Variants in MYO16 observed in about 807,000 individuals in gnomAD.
MYO16 encodes the protein unconventional myosin-XVI.
In MYO16, 94 loss-of-function variants were observed where a neutral mutation model predicts 205.3. The ratio of observed to expected loss-of-function variants is 0.46; its 90% confidence interval spans 0.39 to 0.54. The LOEUF (loss-of-function observed/expected upper bound fraction) is 0.54. Ranked by LOEUF, MYO16 falls within the 20% of genes least tolerant of loss-of-function variation. The pLI is 0.00. For missense variants in MYO16, 2,315 were observed against 2,387.5 expected, an observed-to-expected ratio of 0.97 and a Z score of 0.63; for synonymous variants, 988 against 954.0, an observed-to-expected ratio of 1.04 and a Z score of -0.66.
chr13:108,840,217 A>C (rs1428890871), intron 9 of MYO16, among the ~76,000 whole-genome samples: 2 of 152,218 alleles, frequency 1.3e-5, no homozygotes, highest in African/African-American at 4.8e-5. Flanking sequence ...AAACACTATA[A>C]AACATCATTA....
chr13:108,681,656 G>T (rs1882467994), intron 2 of MYO16, among the ~76,000 whole-genome samples: 1 of 151,762 alleles, frequency 6.6e-6, no homozygotes, highest in African/African-American at 2.4e-5. Flanking sequence ...TACTCTGCTA[G>T]TAGTGCTGTT....
intron 1 of MYO16, among the ~76,000 whole-genome samples, chr13:108,643,715 A>G (rs1054842418): frequency 2.0e-5 from 3 of 152,162 alleles, no homozygotes; most frequent in Non-Finnish European, 2.9e-5. Context: ...GTGGGCATTT[A>G]TTTGTTTCCA....
chr13:108,946,108 TTC>T (rs1882929091), intron 16 of MYO16, among the ~76,000 whole-genome samples: 1 of 152,166 alleles, frequency 6.6e-6, no homozygotes, highest in Non-Finnish European at 1.5e-5. Flanking sequence ...GTATTTAAAT[TTC>T]TGTTTGTCAG....
chr13:108,586,660 G>T, the MYO16 span, among the ~76,000 whole-genome samples: 1 of 152,140 alleles, frequency 6.6e-6, no homozygotes, highest in Admixed American at 6.5e-5. Context: ...AAATGGGTCA[G>T]GTAGTTTAGA....
At chr13:109,147,084 A>G (rs1165835689) in intron 32 of MYO16, among the ~76,000 whole-genome samples, 1 of 152,074 alleles carries the variant, frequency 6.6e-6, no homozygotes, top group Non-Finnish European at 1.5e-5. Context: ...CACGACACAA[A>G]CAAAATAATT....
chr13:108,810,151 C>T (rs947021400), intron 7 of MYO16, among the ~76,000 whole-genome samples: 8 of 152,208 alleles, frequency 5.3e-5, no homozygotes, highest in Non-Finnish European at 1.2e-4. Flanking sequence ...TCCTCTGCTT[C>T]GCTAGACTTG....
At chr13:108,966,809 A>G (rs1040236222) in intron 20 of MYO16, among the ~76,000 whole-genome samples, 1 of 152,184 alleles carries the variant, frequency 6.6e-6, no homozygotes, top group Non-Finnish European at 1.5e-5. Context: ...ATTTAAATTC[A>G]TGGAAAGCTT....
chr13:108,945,841 T>A (rs1283606040), intron 16 of MYO16, among the ~76,000 whole-genome samples: 1 of 152,138 alleles, frequency 6.6e-6, no homozygotes, highest in Non-Finnish European at 1.5e-5. Flanking sequence ...AGTGTACACG[T>A]TTTACTCATT....
At chr13:108,699,614 T>C (rs17389027) in intron 2 of MYO16, among the ~76,000 whole-genome samples, 24,035 of 152,158 alleles carry the variant, frequency 0.16, 2,076 homozygotes, top group Non-Finnish European at 0.19. Context: ...ACTGTCACTT[T>C]ACATCTGTCC....
intron 3 of MYO16, among the ~76,000 whole-genome samples, chr13:108,717,188 C>G (rs1883976954): frequency 6.6e-6 from 1 of 152,128 alleles, no homozygotes; most frequent in Non-Finnish European, 1.5e-5. Flanking sequence ...GAAGGCGCTC[C>G]CAATGGTAAC....
chr13:108,977,325 C>T (rs144758730), intron 20 of MYO16, among the ~76,000 whole-genome samples: 3 of 152,216 alleles, frequency 2.0e-5, no homozygotes, highest in African/African-American at 4.8e-5. Flanking sequence ...TTACAAACAG[C>T]GCTGTATCCT....
At chr13:108,525,652 C>T in the MYO16 span, among the ~76,000 whole-genome samples, 2 of 152,182 alleles carry the variant, frequency 1.3e-5, no homozygotes, top group Admixed American at 1.3e-4. Context: ...ATCTACTTTT[C>T]GTTTAACCAA....
intron 16 of MYO16, among the ~76,000 whole-genome samples, chr13:108,945,795 AT>A (rs1479040753): frequency 6.6e-6 from 1 of 152,148 alleles, no homozygotes; most frequent in Non-Finnish European, 1.5e-5. Context: ...TTGAAAAAAA[AT>A]CTTCCTGAAT....
At chr13:108,818,779 T>C (rs1875782807) in intron 7 of MYO16, among the ~76,000 whole-genome samples, 1 of 152,190 alleles carries the variant, frequency 6.6e-6, no homozygotes, top group Non-Finnish European at 1.5e-5. Context: ...GCCAGCACAT[T>C]TGGAAACTTA....
chr13:108,587,142 T>A, the MYO16 span, among the ~76,000 whole-genome samples: 1 of 152,082 alleles, frequency 6.6e-6, no homozygotes, highest in Non-Finnish European at 1.5e-5. Context: ...AAATGTAACC[T>A]TGTGTGGGAA....
chr13:108,580,215 A>G, the MYO16 span, among the ~76,000 whole-genome samples: 4 of 152,230 alleles, frequency 2.6e-5, no homozygotes, highest in East Asian at 3.8e-4. Context: ...ACATTTTCCT[A>G]TACAGCATCT....
At chr13:109,046,595 T>C (rs1214385105) in intron 23 of MYO16, among the ~76,000 whole-genome samples, 1 of 152,228 alleles carries the variant, frequency 6.6e-6, no homozygotes, top group African/African-American at 2.4e-5. Context: ...TTACTTGGTT[T>C]AGTGAGTTTT....
intron 6 of MYO16, among the ~76,000 whole-genome samples, chr13:108,795,725 A>C (rs1886770636): frequency 6.6e-6 from 1 of 152,210 alleles, no homozygotes. Flanking sequence ...GAACAAAATA[A>C]TAGTGACCAA....
At chr13:108,666,244 A>G (rs570090453) in intron 2 of MYO16, 95 bp downstream of exon 2, 92 of 1,353,714 alleles carry the variant, frequency 6.8e-5, no homozygotes, top group Admixed American at 1.9e-4. Context: ...GATGGGGCAG[A>G]AAAGTCCTTT....
Sources: gnomAD v4.1 joint callset for allele counts (sites outside exome capture counted in the v4.1 genomes callset) on GRCh38, gnomAD v4.1.1 for gene constraint, MANE v1.5 for transcripts, NCBI Gene and HGNC (gene_info 2026-07-23, HGNC 2026-07-21) for gene names.